Variants in BCL3 observed in about 807,000 individuals in gnomAD.
BCL3 encodes B-cell lymphoma 3 protein.
In BCL3, 15 loss-of-function variants were observed where a neutral mutation model predicts 35.7. The ratio of observed to expected loss-of-function variants is 0.42; its 90% CI spans 0.28 to 0.65. BCL3 has a LOEUF of 0.65. Ranked by LOEUF, BCL3 falls within the 30% of genes least tolerant of loss-of-function variation. The probability of loss-of-function intolerance (pLI) is 0.22; values close to 1 mark genes in which losing one functional copy is unlikely to be tolerated. For missense variants in BCL3, 565 were observed against 641.7 expected, an observed-to-expected ratio of 0.88 and a Z score of 1.29; for synonymous variants, 311 against 284.3, an observed-to-expected ratio of 1.09 and a Z score of -0.95.
chr19:44,748,788 C>T lies in BCL3; in HGVS notation c.-3C>T. The T allele has an allele frequency of 9.0e-7, 1 of 1,109,438 alleles. No individual in the cohort carries two copies. Among genetic ancestry groups the T allele is most frequent in the Non-Finnish European group, 1.1e-6 (1 of 910,026 alleles). The allele number at this position is 1,109,438 out of a possible 1,614,324, so 68.7% of individuals were successfully genotyped here. On this transcript the variant is annotated 5_prime_UTR_variant, in exon 1 of 9. Transcript: ENST00000164227. ...CTCTCCGGCCGCCGTCCCCGGCGGC[C>T]CCATGCCCCGATGCCCCGCGGGGGC...
chr19:44,748,632 G>A, upstream of BCL3: 1 of 893,600 alleles, frequency 1.1e-6, no homozygotes, highest in South Asian at 5.3e-5. Flanking sequence ...GGGTGGCCCC[G>A]GGGGGGCCGG....
chr19:44,757,235 G>C lies in BCL3; in HGVS notation c.724+14G>C. The stretch of plus-strand genomic sequence containing the variant: ...GCAATTATGACGGTAAGCATTTACC[G>C]CGGGGCACCGCTGGGCTGTCCAGCG... On this transcript the variant is annotated intron_variant, in intron 4 of 8. Coordinates refer to ENST00000164227, the MANE Select transcript of BCL3 (RefSeq NM_005178.5). This position sits in a 1 kb window ranked among gnomAD's most constrained non-coding sequence, Gnocchi z 8.4. 6.5e-7 allele frequency: 1 copy of C among 1,546,684 alleles called. No individual in the cohort carries two copies. The highest frequency in any genetic ancestry group is 8.8e-7 in the Non-Finnish European group (1 of 1,141,138).
At chr19:44,750,247 G>T (rs1314329376) in intron 1 of BCL3, among the ~76,000 whole-genome samples, 1 of 152,076 alleles carries the variant, frequency 6.6e-6, no homozygotes, top group Non-Finnish European at 1.5e-5. Context: ...CTGTGTGATG[G>T]GTTGGTATGG....
At chr19:44,753,394 C>G (rs545898383) in intron 2 of BCL3, among the ~76,000 whole-genome samples, 102 of 152,290 alleles carry the variant, frequency 6.7e-4, no homozygotes, top group African/African-American at 2.2e-3. Context: ...TCCCCACACC[C>G]TCCCTCTCCG....
rs1206236809 is a variant in BCL3, at chr19:44,751,238, C to G, written c.268C>G (p.Pro90Ala). The G allele has an allele frequency of 1.2e-6, 2 of 1,610,820 alleles. No individual in the cohort carries two copies. The highest frequency in any genetic ancestry group is 2.7e-5 in the African/African-American group (2 of 74,632). Residue 90 changes from proline (P) to alanine (A), a missense_variant, in exon 2 of 9, where the codon CCT (proline) becomes GCT (alanine). Pro to Ala is a conservative substitution (Grantham distance 27). This residue lies in a region of BCL3 where 267 missense variants were observed against 281.5 expected (regional missense o/e 0.95). Transcript: ENST00000164227. The part of the protein sequence containing the change: ...EALYYPGALL[P>A]LYPTRAMGSP... The stretch of plus-strand genomic sequence containing the variant: ...CCTCCATTGTCCAGGAGCCTTACTG[C>G]CTTTGTACCCCACTCGGGCCATGGG...
rs1479058337 is a variant in BCL3, at chr19:44,757,292, G to C, written c.725-35G>C. On this transcript the variant is annotated intron_variant, in intron 4 of 8. Transcript: ENST00000164227. This position sits in a 1 kb window ranked among gnomAD's most constrained non-coding sequence, Gnocchi z 8.4. ...GAGTCCATCAGCGGCCGCAAAGCCCGGGCCTAGGTTTCACCGAGCCCTCCT... is the reference window on the plus strand; with the variant it reads ...GAGTCCATCAGCGGCCGCAAAGCCCCGGCCTAGGTTTCACCGAGCCCTCCT... 2 of 1,575,748 alleles carry C rather than the reference G, an allele frequency of 1.3e-6. No individual in the cohort carries two copies. The highest frequency in any genetic ancestry group is 8.6e-7 in the Non-Finnish European group (1 of 1,160,448).
chr19:44,757,517 TG>T lies in BCL3; in HGVS notation c.813+106del. 7.1e-7 allele frequency: 1 copy of T among 1,403,176 alleles called. No individual in the cohort carries two copies. The highest frequency in any genetic ancestry group is 9.7e-7 in the Non-Finnish European group (1 of 1,033,886). The allele number at this position is 1,403,176 out of a possible 1,614,324, so 86.9% of individuals were successfully genotyped here. The stretch of plus-strand genomic sequence containing the variant: ...GGGCTGGCGTGGGAGAGCACCCGGG[TG>T]GGGTGGGGCTTGGAGTATCAGACCC... On this transcript the variant is annotated intron_variant, in intron 5 of 8. Transcript: ENST00000164227. The surrounding 1 kb of genome is among the most constrained non-coding windows in gnomAD (Gnocchi z 8.4).
intron 1 of BCL3, among the ~76,000 whole-genome samples, chr19:44,749,289 G>T (rs1375229769): frequency 6.6e-6 from 1 of 150,580 alleles, no homozygotes; most frequent in Non-Finnish European, 1.5e-5. Flanking sequence ...TGACGTGGGG[G>T]GGGGGGGGCC....
In BCL3 at chr19:44,748,991, G is replaced by C. The variant is rs774452583; in HGVS notation, c.201G>C (p.Pro67=). ...CTCTGCGCGGCGGCTGCGACCTGCC[G>C]GCGGTCCCCGGGCCCCCCCACGGCC... is the stretch of plus-strand genomic sequence containing the variant. ...LDPLRGGCDL[P]AVPGPPHGLA... is the part of the protein sequence containing the mutation. The change falls in exon 1 of 9, where the codon CCG becomes CCC. Residue 67 remains proline (P), a synonymous_variant. Transcript: ENST00000164227. 7.2e-7 allele frequency: 1 copy of C among 1,383,882 alleles called. No homozygotes were observed. Among genetic ancestry groups the C allele is most frequent in the Non-Finnish European group, 9.4e-7 (1 of 1,066,982 alleles). 85.7% of individuals were successfully genotyped at this position (1,383,882 alleles called of 1,614,324 possible).
chr19:44,759,200 C>T (rs1359318906), intron 8 of BCL3, among the ~76,000 whole-genome samples: 2 of 147,406 alleles, frequency 1.4e-5, no homozygotes, highest in Non-Finnish European at 3.0e-5. Flanking sequence ...ACACCCCCAG[C>T]CCCTCCTCCT....
chr19:44,752,414 C>T (rs946509553), intron 2 of BCL3, among the ~76,000 whole-genome samples: 6 of 151,074 alleles, frequency 4.0e-5, no homozygotes, highest in Non-Finnish European at 8.8e-5. Context: ...GCTATGTTGC[C>T]CAGACTGGTC....
At position 44,751,289 on chromosome 19, in the gene BCL3, C is replaced by A. The variant is rs1967174392; in HGVS notation, c.319C>A (p.Pro107Thr). 2.5e-6 allele frequency: 4 copies of A among 1,610,648 alleles called. No individual in the cohort carries two copies. The highest frequency in any genetic ancestry group is 2.7e-5 in the African/African-American group (2 of 74,732). ...CTCCCCGTTTCCTCTGGTGAACCTGCCTACACCCCTATACCCCATGATGTG... is the reference window on the plus strand; with the variant it reads ...CTCCCCGTTTCCTCTGGTGAACCTGACTACACCCCTATACCCCATGATGTG... ...MGSPFPLVNL[P>T]TPLYPMMCPM... Residue 107 changes from proline (P) to threonine (T), a missense_variant, in exon 2 of 9, where the codon CCT becomes ACT. Pro to Thr is a conservative substitution (Grantham distance 38). Coordinates refer to ENST00000164227, the MANE Select transcript of BCL3 (RefSeq NM_005178.5).
chr19:44,759,938 A>C lies in BCL3; in HGVS notation c.*323A>C. 1 of 317,164 alleles carries C rather than the reference A, an allele frequency of 3.2e-6. No homozygotes were observed. The highest frequency in any genetic ancestry group is 5.7e-6 in the Non-Finnish European group (1 of 174,294). 19.6% of individuals were successfully genotyped at this position (317,164 alleles called of 1,614,324 possible). ...CAGCCACTCCCCTCCACTCTCTACC[A>C]GATAACTGAGGAGGGGAGAGGTGGG... On this transcript the variant is annotated 3_prime_UTR_variant, in exon 9 of 9. Coordinates refer to ENST00000164227, the MANE Select transcript of BCL3 (RefSeq NM_005178.5).
intron 2 of BCL3, 200 bp from the exon 3 acceptor site, chr19:44,756,032 G>A: frequency 2.6e-6 from 1 of 391,544 alleles, no homozygotes; most frequent in Non-Finnish European, 4.6e-6. Context: ...TACTAGACCA[G>A]CAGGGAGCCA....
rs868852688 is a variant in BCL3, at chr19:44,757,209, C to T, written c.712C>T (p.Arg238Cys). Residue 238 changes from arginine to cysteine, a missense_variant, in exon 4 of 9, where the codon CGC becomes TGC. This residue lies in a region of BCL3 where 103 missense variants were observed against 106.7 expected (regional missense o/e 0.97). Transcript: ENST00000164227. This position sits in a 1 kb window ranked among gnomAD's most constrained non-coding sequence, Gnocchi z 8.4. ...AAPGTLDLEA[R>C]NYDGLTALHV... ...TCCGGGCACGTTGGACCTGGAGGCCCGCAATTATGACGGTAAGCATTTACC... is the reference window on the plus strand; with the variant it reads ...TCCGGGCACGTTGGACCTGGAGGCCTGCAATTATGACGGTAAGCATTTACC... 4 of 1,554,286 alleles carry T rather than the reference C, an allele frequency of 2.6e-6. No homozygotes were observed. Among genetic ancestry groups the T allele is most frequent in the Middle Eastern group, 1.7e-4 (1 of 5,962 alleles).
At chr19:44,756,371 G>A in intron 3 of BCL3, 31 bp downstream of exon 3, 1 of 1,416,786 alleles carries the variant, frequency 7.1e-7, no homozygotes, top group Non-Finnish European at 9.3e-7. Context: ...GGAGGGCTGG[G>A]GCCTGGACTC....
At chr19:44,756,759 G>C (rs1165380195) in intron 3 of BCL3, among the ~76,000 whole-genome samples, 1 of 150,866 alleles carries the variant, frequency 6.6e-6, no homozygotes, top group African/African-American at 2.4e-5. Flanking sequence ...GGGGCCTAAA[G>C]ACCTCCTAGT....
intron 7 of BCL3, 106 bp from the exon 8 acceptor site, chr19:44,758,618 T>A: frequency 7.9e-7 from 1 of 1,269,264 alleles, no homozygotes; most frequent in Non-Finnish European, 1.1e-6. Context: ...CATCTTTTCA[T>A]ACTGAGAAGT....
intron 2 of BCL3, among the ~76,000 whole-genome samples, chr19:44,752,078 GCACACACACACACA>G (rs3138632): frequency 3.4e-5 from 5 of 145,922 alleles, no homozygotes; most frequent in African/African-American, 7.4e-5. Context: ...CTCAAACCCA[GCACACACACACACA>G]CACACACACA....
Sources: allele counts gnomAD v4.1 joint callset (sites outside exome capture counted in the v4.1 genomes callset), GRCh38; gene constraint gnomAD v4.1.1; regional missense constraint gnomAD v4.1.1; non-coding constraint Gnocchi (gnomAD v3.1); transcripts MANE v1.5; gene names NCBI Gene and HGNC (gene_info 2026-07-23, HGNC 2026-07-21).